Variants in CADPS2 observed in about 807,000 individuals in gnomAD.
The protein encoded by CADPS2 is calcium dependent secretion activator 2.
Under a neutral mutation model 172.5 loss-of-function variants are expected in CADPS2, and 93 were observed. The ratio of observed to expected loss-of-function variants is 0.54; its 90% CI spans 0.46 to 0.64. CADPS2 has a LOEUF of 0.64. CADPS2 is among the 30% of genes least tolerant of loss of function. CADPS2 has a pLI of 0.00. For missense variants in CADPS2, 1,420 were observed against 1,565.9 expected, an observed-to-expected ratio of 0.91 and a Z score of 1.57; for synonymous variants, 546 against 555.2, an observed-to-expected ratio of 0.98 and a Z score of 0.23.
intron 20 of CADPS2, among the ~76,000 whole-genome samples, chr7:122,395,299 T>A (rs2044928181): frequency 1.3e-5 from 2 of 152,104 alleles, no homozygotes; most frequent in Admixed American, 1.3e-4. Flanking sequence ...TATAACAGAT[T>A]TTTTTTTCTA....
At chr7:122,492,387 C>T (rs1424324723) in intron 9 of CADPS2, among the ~76,000 whole-genome samples, 1 of 151,990 alleles carries the variant, frequency 6.6e-6, no homozygotes, top group Non-Finnish European at 1.5e-5. Flanking sequence ...TTTCCTTGTG[C>T]TAAAGTCTTA....
intron 19 of CADPS2, among the ~76,000 whole-genome samples, chr7:122,408,909 A>G (rs1261828843): frequency 2.0e-5 from 3 of 152,236 alleles, no homozygotes; most frequent in Admixed American, 1.3e-4. Flanking sequence ...AAAGATTGCC[A>G]TGTAATTAAT....
chr7:122,585,311 C>A, intron 6 of CADPS2, among the ~76,000 whole-genome samples: 1 of 150,512 alleles, frequency 6.6e-6, no homozygotes, highest in Admixed American at 6.6e-5. Flanking sequence ...AATATAAATC[C>A]CAACATTCCA....
At chr7:122,654,637 T>C (rs2192023) in intron 3 of CADPS2, among the ~76,000 whole-genome samples, 151,287 of 152,350 alleles carry the variant, frequency 0.99, 75,124 homozygotes, top group Non-Finnish European at 1. Context: ...GTATTGCTCA[T>C]TGACAATGCA....
intron 17 of CADPS2, among the ~76,000 whole-genome samples, chr7:122,432,340 T>C (rs976303192): frequency 5.3e-5 from 8 of 152,070 alleles, no homozygotes; most frequent in Admixed American, 5.2e-4. Context: ...GCAGTATAAA[T>C]AGAAAGCCTT....
At chr7:122,745,094 A>T (rs2092668130) in intron 1 of CADPS2, among the ~76,000 whole-genome samples, 1 of 151,754 alleles carries the variant, frequency 6.6e-6, no homozygotes, top group Non-Finnish European at 1.5e-5. Flanking sequence ...TAATTAACAC[A>T]CCCATCATCT....
intron 2 of CADPS2, among the ~76,000 whole-genome samples, chr7:122,695,958 A>T (rs1308996928): frequency 6.6e-6 from 1 of 151,028 alleles, no homozygotes; most frequent in Admixed American, 6.6e-5. Context: ...TGGAACAAGT[A>T]CCCCACACAA....
intron 2 of CADPS2, chr7:122,698,168 GATTT>G: frequency 9.3e-6 from 15 of 1,613,916 alleles, no homozygotes; most frequent in Non-Finnish European, 1.3e-5. Flanking sequence ...TCCCCATTTG[GATTT>G]ATTTCTTCAT....
intron 19 of CADPS2, among the ~76,000 whole-genome samples, chr7:122,411,960 G>A (rs896588298): frequency 6.6e-6 from 1 of 152,162 alleles, no homozygotes; most frequent in African/African-American, 2.4e-5. Context: ...TCCAAAACAT[G>A]AGAATGTAAA....
chr7:122,459,965 A>C (rs767512970), intron 14 of CADPS2, among the ~76,000 whole-genome samples: 26 of 152,222 alleles, frequency 1.7e-4, no homozygotes, highest in Non-Finnish European at 3.2e-4. Context: ...GTGTCAGAGA[A>C]GGATTCAGTT....
At chr7:122,483,773 T>C (rs529044588) in intron 11 of CADPS2, among the ~76,000 whole-genome samples, 13 of 152,198 alleles carry the variant, frequency 8.5e-5, no homozygotes, top group Admixed American at 6.5e-4. Flanking sequence ...TGAAGATATA[T>C]AATAAATTTA....
intron 3 of CADPS2, among the ~76,000 whole-genome samples, chr7:122,657,474 T>G (rs2079950722): frequency 6.6e-6 from 1 of 152,160 alleles, no homozygotes; most frequent in Admixed American, 6.5e-5. Flanking sequence ...TGTGTCCTCT[T>G]TTTATTTCGT....
rs116429110 is a variant in CADPS2, at chr7:122,628,958, T to C, written c.867+290A>G. ...GCTTAGTAAAACATTAAAACTCTTC[T>C]AGATCTGGCAGTTTGAGAAACTCAT... On this transcript the variant is annotated intron_variant, in intron 4 of 29. Coordinates refer to ENST00000449022, the MANE Select transcript of CADPS2 (RefSeq NM_017954.11). 4.1e-3 allele frequency among the ~76,000 whole-genome samples: 619 copies of C among 151,832 alleles called. 4 individuals carry two copies. The highest frequency in any genetic ancestry group is 0.014 in the African/African-American group (584 of 41,408).
chr7:122,605,955 A>T (rs557391502), intron 6 of CADPS2, among the ~76,000 whole-genome samples: 1 of 152,248 alleles, frequency 6.6e-6, no homozygotes, highest in East Asian at 1.9e-4. Flanking sequence ...AGCAATGTCC[A>T]TCAATTTAAT....
chr7:122,601,882 C>T (rs901316003), intron 6 of CADPS2, among the ~76,000 whole-genome samples: 1 of 151,992 alleles, frequency 6.6e-6, no homozygotes, highest in Non-Finnish European at 1.5e-5. Context: ...TGATAATTGT[C>T]AGTACTTCAG....
intron 14 of CADPS2, among the ~76,000 whole-genome samples, chr7:122,454,660 C>T (rs1212665448): frequency 2.6e-5 from 4 of 152,110 alleles, no homozygotes; most frequent in Non-Finnish European, 4.4e-5. Flanking sequence ...CTAAACCTTG[C>T]TCTTTCATAC....
At chr7:122,621,739 A>C (rs930415663) in intron 4 of CADPS2, 22 bp from the exon 5 acceptor site, 1 of 1,338,080 alleles carries the variant, frequency 7.5e-7, no homozygotes, top group Non-Finnish European at 1.0e-6. Flanking sequence ...TTTTTAAAAT[A>C]ATAGTGTTAC....
chr7:122,340,023 C>A (rs568129755), intron 28 of CADPS2, among the ~76,000 whole-genome samples: 1 of 152,098 alleles, frequency 6.6e-6, no homozygotes, highest in African/African-American at 2.4e-5. Context: ...TTCTTTTTAT[C>A]TTACATTAAT....
At position 122,645,326 on chromosome 7, in the gene CADPS2, CAT is replaced by C. The variant is rs200038957; in HGVS notation, c.787-16000_787-15999del. Among the ~76,000 whole-genome samples, 83 of 101,580 alleles carry C rather than the reference CAT, an allele frequency of 8.2e-4. 2 individuals are homozygous for C. The East Asian group carries it at 0.01, about 12-fold the overall frequency. The allele number at this position is 101,580 out of a possible 152,430, so 66.6% of individuals were successfully genotyped here. On this transcript the variant is annotated intron_variant, in intron 3 of 29. Transcript: ENST00000449022. ...ATATGTACATGTGTGTATACATGTA[CAT>C]ATATACACACATGTACATGTGTGTG...
Sources: allele counts gnomAD v4.1 joint callset (sites outside exome capture counted in the v4.1 genomes callset), GRCh38; gene constraint gnomAD v4.1.1; transcripts MANE v1.5; gene names NCBI Gene and HGNC (gene_info 2026-07-23, HGNC 2026-07-21).